Variants in UBE2K observed in about 807,000 individuals in gnomAD.
UBE2K encodes ubiquitin-conjugating enzyme E2 K.
UBE2K carries 6 observed loss-of-function variants against 30.0 expected under a neutral mutation model. The ratio of observed to expected loss-of-function variants is 0.20; its 90% CI spans 0.11 to 0.39. The LOEUF is 0.39. Ranked by LOEUF, UBE2K falls within the 10% of genes least tolerant of loss-of-function variation. The probability of loss-of-function intolerance (pLI) is 1.00; values close to 1 mark genes in which losing one functional copy is unlikely to be tolerated. For synonymous variants in UBE2K, 86 were observed against 83.7 expected (o/e 1.03, Z -0.15); for missense variants, 61 against 241.6 (o/e 0.25, Z 4.96).
At chr4:39,719,877 G>A (rs1200744617) in intron 1 of UBE2K, among the ~76,000 whole-genome samples, 3 of 152,216 alleles carry the variant, frequency 2.0e-5, no homozygotes, top group African/African-American at 7.2e-5. Context: ...GTGTACATGT[G>A]TGAGAATTTT....
chr4:39,732,250 GTTAA>G (rs1720115410), intron 1 of UBE2K, among the ~76,000 whole-genome samples: 1 of 152,186 alleles, frequency 6.6e-6, no homozygotes, highest in African/African-American at 2.4e-5. Context: ...GTACAAAGTA[GTTAA>G]TTAACTTGTT....
chr4:39,700,812 C>T lies in UBE2K; in HGVS notation c.63+2422C>T, dbSNP rs142391542. Reference sequence around the variant, plus strand: ...TAAGAGCCTTTGTAAAGATAGCTGACGCTTACTGGATTCTGGTTATGAGAG... The same window carrying T: ...TAAGAGCCTTTGTAAAGATAGCTGATGCTTACTGGATTCTGGTTATGAGAG... On this transcript the variant is annotated intron_variant, in intron 1 of 6. Coordinates refer to ENST00000261427, the MANE Select transcript of UBE2K (RefSeq NM_005339.5). Among the ~76,000 whole-genome samples, 29 of 152,208 alleles carry T rather than the reference C, an allele frequency of 1.9e-4. No individual in the cohort carries two copies. The East Asian group carries it at 5.4e-3, about 28-fold the overall frequency.
chr4:39,698,262 G>C lies in UBE2K; in HGVS notation c.-66G>C. ...GGGAGGAGGCGGTGGAGGAAGAGGT[G>C]GCGGCGGTGGCGGTGGTCGTAGCGG... On this transcript the variant is annotated 5_prime_UTR_variant, in exon 1 of 7. Coordinates refer to ENST00000261427, the MANE Select transcript of UBE2K (RefSeq NM_005339.5). 1 of 1,493,488 alleles carries C rather than the reference G, an allele frequency of 6.7e-7. No homozygotes were observed. Among genetic ancestry groups the C allele is most frequent in the East Asian group, 2.3e-5 (1 of 43,098 alleles). 92.5% of individuals were successfully genotyped at this position (1,493,488 alleles called of 1,614,324 possible).
intron 3 of UBE2K, among the ~76,000 whole-genome samples, chr4:39,753,358 A>G (rs1054308125): frequency 3.3e-5 from 5 of 152,066 alleles, no homozygotes; most frequent in Non-Finnish European, 5.9e-5. Context: ...TGGGGGGGAA[A>G]AAAGGGAGAA....
At chr4:39,771,313 A>G in intron 4 of UBE2K, 1 of 1,612,068 alleles carries the variant, frequency 6.2e-7, no homozygotes, top group South Asian at 1.1e-5. Context: ...TCGAAACTTG[A>G]GGCTGTCGGC....
chr4:39,703,269 A>G (rs1389259215), intron 1 of UBE2K, among the ~76,000 whole-genome samples: 1 of 151,992 alleles, frequency 6.6e-6, no homozygotes, highest in Non-Finnish European at 1.5e-5. Context: ...CCTGTAATCT[A>G]GCATTTTAGG....
At chr4:39,727,924 G>T (rs1239816580) in intron 1 of UBE2K, among the ~76,000 whole-genome samples, 3 of 152,040 alleles carry the variant, frequency 2.0e-5, no homozygotes, top group Non-Finnish European at 4.4e-5. Context: ...AAGGTCAGGA[G>T]TTCGAGACCA....
chr4:39,728,641 T>C (rs1245541631), intron 1 of UBE2K, among the ~76,000 whole-genome samples: 2 of 151,530 alleles, frequency 1.3e-5, no homozygotes, highest in Non-Finnish European at 2.9e-5. Flanking sequence ...TTTCCTTTTT[T>C]CTTTTTTTTC....
intron 4 of UBE2K, among the ~76,000 whole-genome samples, chr4:39,766,819 G>A (rs943891914): frequency 5.3e-5 from 8 of 151,770 alleles, no homozygotes; most frequent in Admixed American, 2.0e-4. Context: ...ACACAATCTC[G>A]GCTTACTGCA....
intron 2 of UBE2K, among the ~76,000 whole-genome samples, chr4:39,743,384 A>G (rs559771350): frequency 8.5e-5 from 13 of 152,286 alleles, no homozygotes; most frequent in Middle Eastern, 6.8e-3. Context: ...CGGGTGGATC[A>G]CAAGGTCAGG....
At chr4:39,768,388 A>C (rs576653270) in intron 4 of UBE2K, among the ~76,000 whole-genome samples, 2 of 149,430 alleles carry the variant, frequency 1.3e-5, no homozygotes, top group South Asian at 4.3e-4. Context: ...CAAAGGTTGC[A>C]GTGAGCCAAG....
At chr4:39,721,346 A>G (rs574292919) in intron 1 of UBE2K, among the ~76,000 whole-genome samples, 69 of 152,038 alleles carry the variant, frequency 4.5e-4, no homozygotes, top group African/African-American at 1.7e-3. Context: ...GCTAGAGTTG[A>G]ATAGGGAGCC....
chr4:39,740,546 GA>G (rs1052935330), intron 2 of UBE2K, among the ~76,000 whole-genome samples: 53 of 128,334 alleles, frequency 4.1e-4, no homozygotes, highest in African/African-American at 4.0e-4. Flanking sequence ...GTCCCAAAAA[GA>G]AAAAAAAAAA....
intron 2 of UBE2K, among the ~76,000 whole-genome samples, chr4:39,744,010 A>G (rs1332529750): frequency 6.6e-6 from 1 of 152,142 alleles, no homozygotes; most frequent in Non-Finnish European, 1.5e-5. Context: ...TCGTAGGCAC[A>G]TGCCACAATA....
chr4:39,741,105 T>C (rs1720678656), intron 2 of UBE2K, among the ~76,000 whole-genome samples: 1 of 151,912 alleles, frequency 6.6e-6, no homozygotes, highest in African/African-American at 2.4e-5. Flanking sequence ...ACTCCATCTC[T>C]ACTAAAAATA....
chr4:39,733,072 A>C (rs868221535), intron 1 of UBE2K, among the ~76,000 whole-genome samples: 60 of 147,464 alleles, frequency 4.1e-4, no homozygotes, highest in African/African-American at 8.3e-4. Flanking sequence ...AAAAAAAAAA[A>C]AACAACCAGA....
intron 3 of UBE2K, among the ~76,000 whole-genome samples, chr4:39,748,091 C>T (rs1560365031): frequency 6.6e-6 from 1 of 152,190 alleles, no homozygotes; most frequent in African/African-American, 2.4e-5. Flanking sequence ...TGAATTATGT[C>T]TCAGTAAAGG....
chr4:39,740,278 T>C (rs999999416), intron 2 of UBE2K, among the ~76,000 whole-genome samples: 9 of 152,146 alleles, frequency 5.9e-5, no homozygotes, highest in Non-Finnish European at 1.5e-5. Context: ...TTGATTTTTA[T>C]AAACAAGGCA....
At chr4:39,722,939 G>A (rs1719510256) in intron 1 of UBE2K, among the ~76,000 whole-genome samples, 1 of 151,734 alleles carries the variant, frequency 6.6e-6, no homozygotes, top group Non-Finnish European at 1.5e-5. Context: ...GGGATTACAG[G>A]CGCGCACCAC....
Sources: gnomAD v4.1 joint callset for allele counts (sites outside exome capture counted in the v4.1 genomes callset) on GRCh38, gnomAD v4.1.1 for gene constraint, MANE v1.5 for transcripts, NCBI Gene and HGNC (gene_info 2026-07-23, HGNC 2026-07-21) for gene names.